CPNE4: variants seen among roughly 807,000 people sequenced by gnomAD.
CPNE4 encodes copine-4.
Under a neutral mutation model 67.9 loss-of-function variants are expected in CPNE4, and 25 were observed. That is an observed-to-expected ratio of 0.37 (90% CI 0.27 to 0.51). CPNE4 has a LOEUF of 0.51. Ranked by LOEUF, CPNE4 falls within the 20% of genes least tolerant of loss-of-function variation. CPNE4 has a pLI of 0.93. For missense variants in CPNE4, 464 were observed against 690.8 expected (o/e 0.67, Z 3.68); for synonymous variants, 242 against 244.9 (o/e 0.99, Z 0.11).
chr3:131,903,448 C>G (rs2088626086), intron 2 of CPNE4, among the ~76,000 whole-genome samples: 1 of 151,928 alleles, frequency 6.6e-6, no homozygotes, highest in Non-Finnish European at 1.5e-5. Flanking sequence ...CAGTCCTTAT[C>G]CAATTTGTTT....
At chr3:131,727,306 A>G (rs927949834) in intron 2 of CPNE4, among the ~76,000 whole-genome samples, 3 of 152,108 alleles carry the variant, frequency 2.0e-5, no homozygotes, top group African/African-American at 7.2e-5. Flanking sequence ...AAAAATATCT[A>G]AAACACGGCC....
chr3:131,919,650 G>T (rs2070687485), intron 1 of CPNE4, among the ~76,000 whole-genome samples: 1 of 152,128 alleles, frequency 6.6e-6, no homozygotes, highest in Non-Finnish European at 1.5e-5. Flanking sequence ...TACAATGTGT[G>T]CACTATTCTG....
intron 1 of CPNE4, among the ~76,000 whole-genome samples, chr3:131,968,661 T>A (rs1031057503): frequency 6.6e-6 from 1 of 152,116 alleles, no homozygotes; most frequent in Non-Finnish European, 1.5e-5. Flanking sequence ...TGACATACCA[T>A]CTCATGCCAG....
chr3:131,949,500 T>A (rs1460666621), intron 1 of CPNE4, among the ~76,000 whole-genome samples: 1 of 152,188 alleles, frequency 6.6e-6, no homozygotes, highest in Admixed American at 6.5e-5. Context: ...GCAGAAGTAT[T>A]TATCAATAGC....
intron 1 of CPNE4, among the ~76,000 whole-genome samples, chr3:131,938,002 C>T (rs1464586573): frequency 1.3e-5 from 2 of 151,942 alleles, no homozygotes; most frequent in African/African-American, 4.8e-5. Context: ...CAAGATAATA[C>T]TCGAATAAAA....
intron 2 of CPNE4, among the ~76,000 whole-genome samples, chr3:131,871,616 C>T (rs182999786): frequency 6.6e-6 from 1 of 152,286 alleles, no homozygotes; most frequent in East Asian, 1.9e-4. Context: ...GAACTAGTCT[C>T]AAAATAACAT....
rs1553739648 is a variant in CPNE4, at chr3:131,615,925, A to ACG, written c.682-28344_682-28343insCG. On this transcript the variant is annotated intron_variant, in intron 7 of 15. Transcript: ENST00000429747. ...CACACACACACACACACACACACAC[A>ACG]CACGCACACACACACACACACACAC... Among the ~76,000 whole-genome samples, 553 of 88,812 alleles carry ACG rather than the reference A, an allele frequency of 6.2e-3. 2 individuals are homozygous for ACG. Among genetic ancestry groups the ACG allele is most frequent in the African/African-American group, 0.035 (296 of 8,362 alleles). 58.3% of individuals were successfully genotyped at this position (88,812 alleles called of 152,430 possible). A position where few individuals can be genotyped will look rare whatever the true frequency, so the allele number is the denominator to read the frequency against.
At position 131,647,030 on chromosome 3, in the gene CPNE4, T is replaced by C. The variant is rs191541418; in HGVS notation, c.681+22645A>G. On this transcript the variant is annotated intron_variant, in intron 7 of 15. Coordinates refer to ENST00000429747, the MANE Select transcript of CPNE4 (RefSeq NM_130808.3). The stretch of plus-strand genomic sequence containing the variant: ...GGGAAGAGGGGCATTCTACTGTGCC[T>C]GCAGCTGTCTTATAGTTACTGTGCA... 3.8e-3 allele frequency among the ~76,000 whole-genome samples: 573 copies of C among 152,332 alleles called. 1 individual carries two copies. The highest frequency in any genetic ancestry group is 6.8e-3 in the Middle Eastern group (2 of 294).
intron 1 of CPNE4, among the ~76,000 whole-genome samples, chr3:131,999,977 C>T (rs1271345426): frequency 6.6e-6 from 1 of 151,680 alleles, no homozygotes; most frequent in African/African-American, 2.4e-5. Flanking sequence ...AGTCATTTAA[C>T]ATTTTCTTGA....
intron 3 of CPNE4, among the ~76,000 whole-genome samples, chr3:131,720,559 C>T (rs1449554693): frequency 2.0e-5 from 3 of 152,170 alleles, no homozygotes; most frequent in African/African-American, 7.2e-5. Flanking sequence ...GCTGGGATTA[C>T]AGGCGTGAGC....
chr3:131,576,779 A>C (rs78852854), intron 9 of CPNE4, among the ~76,000 whole-genome samples: 1 of 151,982 alleles, frequency 6.6e-6, no homozygotes, highest in African/African-American at 2.4e-5. Context: ...AAGCAGGCCT[A>C]GGATTGGATA....
In CPNE4 at chr3:131,734,710, C is replaced by A. The variant is rs1400819529; in HGVS notation, c.181-11085G>T. Among the ~76,000 whole-genome samples the A allele has an allele frequency of 3.3e-5, 5 of 152,096 alleles. No individual in the cohort carries two copies. The East Asian group carries it at 7.7e-4, about 23-fold the overall frequency. ...AGACCAGCCTGGACAAATAGCGAGA[C>A]CTTGTCTCTACTAGAAACACAATAC... On this transcript the variant is annotated intron_variant, in intron 2 of 15. Transcript: ENST00000429747.
intron 3 of CPNE4, among the ~76,000 whole-genome samples, chr3:131,708,993 T>TATATATATATATATATATATATATATAC (rs1440194300): frequency 9.5e-6 from 1 of 104,964 alleles, no homozygotes; most frequent in Admixed American, 9.1e-5. Flanking sequence ...TATATATATA[T>TATATATATATATATATATATATATATAC]ATACATACAC....
chr3:131,740,939 C>A (rs975306131), intron 2 of CPNE4, among the ~76,000 whole-genome samples: 1 of 152,174 alleles, frequency 6.6e-6, no homozygotes, highest in Non-Finnish European at 1.5e-5. Context: ...GGGCCTTTGC[C>A]TTTGCTGTCA....
chr3:131,768,344 G>T (rs1475739548), intron 2 of CPNE4, among the ~76,000 whole-genome samples: 1 of 152,076 alleles, frequency 6.6e-6, no homozygotes, highest in East Asian at 1.9e-4. Context: ...GCAGAGACTT[G>T]AAAAAATATT....
chr3:131,875,051 C>G (rs1179755215), intron 2 of CPNE4, among the ~76,000 whole-genome samples: 1 of 152,166 alleles, frequency 6.6e-6, no homozygotes, highest in Non-Finnish European at 1.5e-5. Context: ...TCCTGTTGTA[C>G]AAACCAGAGA....
intron 1 of CPNE4, among the ~76,000 whole-genome samples, chr3:131,980,758 G>T (rs1314678133): frequency 6.6e-6 from 1 of 152,106 alleles, no homozygotes; most frequent in Admixed American, 6.6e-5. Context: ...ATTTTTGGGG[G>T]TGTTCATGAG....
At chr3:131,789,688 GTTAA>G (rs749343987) in intron 2 of CPNE4, among the ~76,000 whole-genome samples, 1 of 152,110 alleles carries the variant, frequency 6.6e-6, no homozygotes, top group Admixed American at 6.6e-5. Context: ...ATAAAATTCA[GTTAA>G]TTAAGCATTT....
At chr3:131,950,672 G>A (rs2071695792) in intron 1 of CPNE4, among the ~76,000 whole-genome samples, 2 of 152,106 alleles carry the variant, frequency 1.3e-5, no homozygotes, top group Admixed American at 1.3e-4. Flanking sequence ...TGAATAACGA[G>A]GACCGACTAT....
Sources: allele counts gnomAD v4.1 joint callset (sites outside exome capture counted in the v4.1 genomes callset), GRCh38; gene constraint gnomAD v4.1.1; transcripts MANE v1.5; gene names NCBI Gene and HGNC (gene_info 2026-07-23, HGNC 2026-07-21).